The following KIF24 variants were observed in gnomAD, a reference collection of about 807,000 sequenced individuals.
The protein encoded by KIF24 is kinesin-like protein KIF24.
In KIF24, 81 loss-of-function variants were observed where a neutral mutation model predicts 118.9. The observed-to-expected ratio is 0.68, with a 90% CI of 0.57 to 0.82. The LOEUF is 0.82. Among genes scored for constraint, KIF24 ranks in the 40% least tolerant of loss-of-function variants. KIF24 has a pLI of 0.00. For synonymous variants in KIF24, 599 were observed against 610.0 expected, an observed-to-expected ratio of 0.98 and a Z score of 0.27; for missense variants, 1,560 against 1,661.6, an observed-to-expected ratio of 0.94 and a Z score of 1.06.
intron 3 of KIF24, among the ~76,000 whole-genome samples, chr9:34,298,533 A>G (rs1563954547): frequency 7.4e-6 from 1 of 135,310 alleles, no homozygotes; most frequent in South Asian, 2.9e-4. Context: ...GCAACGAGCA[A>G]AACTCCATCT....
At chr9:34,301,880 G>A (rs1836720190) in intron 3 of KIF24, among the ~76,000 whole-genome samples, 1 of 151,770 alleles carries the variant, frequency 6.6e-6, no homozygotes, top group South Asian at 2.1e-4. Flanking sequence ...ACAAAATATA[G>A]AGAATAGAGA....
At chr9:34,271,597 C>G (rs1835511077) in intron 7 of KIF24, among the ~76,000 whole-genome samples, 1 of 152,150 alleles carries the variant, frequency 6.6e-6, no homozygotes. Flanking sequence ...CTTTTAATAA[C>G]TTAGGGTTGA....
intron 2 of KIF24, among the ~76,000 whole-genome samples, chr9:34,306,654 T>C (rs1419053517): frequency 6.6e-6 from 1 of 151,994 alleles, no homozygotes; most frequent in Non-Finnish European, 1.5e-5. Flanking sequence ...TACAAAAAAT[T>C]AGCCAGGCAT....
chr9:34,255,780 G>A lies in KIF24; in HGVS notation c.3827C>T (p.Pro1276Leu), dbSNP rs1834807258. The A allele has an allele frequency of 6.2e-7, 1 of 1,613,806 alleles. No individual in the cohort carries two copies. The highest frequency in any genetic ancestry group is 1.1e-5 in the South Asian group (1 of 91,052). ...CTGACGGAGTGTCCCTGCAGTCTTG[G>A]GAGAGCAGCTGGGAACCAAGGGAGA... ...PSSPLVPSCS[P>L]KTAGTLRQPT... Residue 1276 changes from proline (P) to leucine (L), a missense_variant, in exon 11 of 13, where the codon CCC (proline) becomes CTC (leucine). Physicochemically the swap from Pro to Leu is moderately conservative, Grantham distance 98. Around this residue, in one of 3 missense-constraint regions of KIF24, gnomAD observed 591 missense variants for 655.6 expected, o/e 0.90. Transcript: ENST00000402558.
intron 5 of KIF24, among the ~76,000 whole-genome samples, chr9:34,288,240 C>T (rs1280581801): frequency 6.6e-6 from 1 of 150,832 alleles, no homozygotes; most frequent in Non-Finnish European, 1.5e-5. Flanking sequence ...AATCCTAACA[C>T]TTTGGGAGGC....
Position 34,318,954 on chromosome 9 carries a change from A to C in KIF24, c.-25-7583T>G. ...TGGGCCGTGCAGACCACCGACGGCAAGCTGCCCAAGGTCACCAAGGACATG... is the reference window on the plus strand; with the variant it reads ...TGGGCCGTGCAGACCACCGACGGCACGCTGCCCAAGGTCACCAAGGACATG... On this transcript the variant is annotated intron_variant, in intron 1 of 12. Coordinates refer to ENST00000402558, the MANE Select transcript of KIF24 (RefSeq NM_194313.4). This position sits in a 1 kb window ranked among gnomAD's most constrained non-coding sequence, Gnocchi z 4.9. 2 of 1,478,666 alleles carry C rather than the reference A, an allele frequency of 1.4e-6. No homozygotes were observed. Among genetic ancestry groups the C allele is most frequent in the Non-Finnish European group, 1.9e-6 (2 of 1,062,890 alleles). 91.6% of individuals were successfully genotyped at this position (1,478,666 alleles called of 1,614,324 possible).
chr9:34,277,929 T>C (rs1835714038), intron 6 of KIF24, among the ~76,000 whole-genome samples: 2 of 152,192 alleles, frequency 1.3e-5, no homozygotes, highest in Admixed American at 6.5e-5. Context: ...TGTGGTTGTG[T>C]AGACTACCGC....
intron 6 of KIF24, among the ~76,000 whole-genome samples, chr9:34,273,054 G>GCCTC (rs1449103877): frequency 1.3e-5 from 2 of 152,044 alleles, no homozygotes; most frequent in African/African-American, 4.8e-5. Flanking sequence ...GCTGCAGTGA[G>GCCTC]CTGTGATTAC....
chr9:34,301,077 T>C (rs182848784), intron 3 of KIF24, among the ~76,000 whole-genome samples: 196 of 152,296 alleles, frequency 1.3e-3, no homozygotes, highest in Non-Finnish European at 2.1e-3. Context: ...CCAGTACTTT[T>C]GTAAATATCT....
In KIF24 at chr9:34,297,117, GA is replaced by G; in HGVS notation, c.814-4del. ...ACTTCATCAAAATAAAAAACATGCT[GA>G]AAAATAAATTTGATTTTATGGAAAG... On this transcript the variant is annotated splice_polypyrimidine_tract_variant and splice_region_variant and intron_variant, in intron 3 of 12. Transcript: ENST00000402558. The G allele has an allele frequency of 6.6e-7, 1 of 1,523,342 alleles. No individual in the cohort carries two copies. The highest frequency in any genetic ancestry group is 9.0e-7 in the Non-Finnish European group (1 of 1,115,962). 94.4% of individuals were successfully genotyped at this position (1,523,342 alleles called of 1,614,324 possible). A position where few individuals can be genotyped will look rare whatever the true frequency, so the allele number is the denominator to read the frequency against.
chr9:34,283,968 C>T (rs143373821), intron 6 of KIF24, among the ~76,000 whole-genome samples: 7 of 152,242 alleles, frequency 4.6e-5, no homozygotes, highest in African/African-American at 7.2e-5. Flanking sequence ...GGGAAACAGT[C>T]GGCAGCATTT....
At position 34,256,123 on chromosome 9, in the gene KIF24, A is replaced by C. The variant is rs753524630; in HGVS notation, c.3484T>G (p.Phe1162Val). ...TCACTACCCATGTGTTCGTGGGAGA[A>C]AAGTACAGTCTCTCTGCTCTGGCAG... ...EACQSRETVLFSHEHMGSEQY... is the reference protein window; with the variant it reads ...EACQSRETVLVSHEHMGSEQY... The change falls in exon 11 of 13, where the codon TTC becomes GTC. Residue 1162 changes from phenylalanine to valine, a missense_variant. By Grantham distance (50) the Phe-to-Val change is conservative. Transcript: ENST00000402558. 1.2e-6 allele frequency: 2 copies of C among 1,609,842 alleles called. No homozygotes were observed. Among genetic ancestry groups the C allele is most frequent in the African/African-American group, 1.3e-5 (1 of 74,930 alleles).
At chr9:34,282,455 A>G (rs1018987986) in intron 6 of KIF24, 2 of 152,136 alleles carry the variant, frequency 1.3e-5, no homozygotes, top group African/African-American at 2.4e-5. Flanking sequence ...CAATGGTTGC[A>G]TAACTTCATG....
rs201796480 is a variant in KIF24 at position 34,256,834 on chromosome 9, T to C, written c.2773A>G (p.Thr925Ala). Residue 925 changes from threonine (T) to alanine (A), a missense_variant, in exon 11 of 13, where the codon ACT becomes GCT. Thr to Ala is a moderately conservative substitution (Grantham distance 58). Coordinates refer to ENST00000402558, the MANE Select transcript of KIF24 (RefSeq NM_194313.4). ...TCTCTGGGAGAAGGCCCTGAGGAAG[T>C]AGAGTTCTCTCTGCTCCAGTCCACG... ...GPVDWSRENS[T>A]SSGPSPRDSL... The C allele has an allele frequency of 1.0e-4, 165 of 1,613,862 alleles. No individual in the cohort carries two copies. The highest frequency in any genetic ancestry group is 2.5e-6 in the Non-Finnish European group (3 of 1,179,894).
rs527449185 is a variant in KIF24 at position 34,269,343 on chromosome 9, C to A, written c.1357G>T (p.Ala453Ser). ...GCATCTGCTGCTCTTTCACTGCCAG[C>A]CAAGTCAATAAAAGAGATCCTAGAG... ...TFGRISFIDL[A>S]GSERAADARD... Residue 453 changes from alanine to serine, a missense_variant, in exon 8 of 13, where the codon GCT (alanine) becomes TCT (serine). By Grantham distance (99) the Ala-to-Ser change is moderately conservative (BLOSUM62 1). Coordinates refer to ENST00000402558, the MANE Select transcript of KIF24 (RefSeq NM_194313.4). 1.2e-6 allele frequency: 2 copies of A among 1,604,056 alleles called. No individual in the cohort carries two copies. The highest frequency in any genetic ancestry group is 1.7e-6 in the Non-Finnish European group (2 of 1,171,818).
intron 3 of KIF24, among the ~76,000 whole-genome samples, chr9:34,303,204 C>T (rs886420985): frequency 8.5e-5 from 13 of 152,168 alleles, no homozygotes; most frequent in African/African-American, 3.1e-4. Context: ...CATGAGTTAC[C>T]ATACCCAGCC....
chr9:34,309,036 G>A (rs1267228583), intron 2 of KIF24, among the ~76,000 whole-genome samples: 1 of 152,082 alleles, frequency 6.6e-6, no homozygotes, highest in Non-Finnish European at 1.5e-5. Context: ...GACTATGACT[G>A]CACCACTGCA....
In KIF24 at chr9:34,257,346, G is replaced by A. The variant is rs776092066; in HGVS notation, c.2261C>T (p.Pro754Leu). 3.7e-6 allele frequency: 6 copies of A among 1,613,934 alleles called. No homozygotes were observed. The highest frequency in any genetic ancestry group is 2.2e-5 in the South Asian group (2 of 91,094). ...TTCCTCCCTCTCCTTCTGATGTGGC[G>A]GGATGTTTGTCCAAGCTTCAGAGGC... ...RPASEAWTNI[P>L]PHQKEREEHL... Residue 754 changes from proline (P) to leucine (L), a missense_variant, in exon 11 of 13, where the codon CCG (proline) becomes CTG (leucine). Pro to Leu is a moderately conservative substitution (Grantham distance 98). Around this residue, in one of 3 missense-constraint regions of KIF24, gnomAD observed 964 missense variants for 988.0 expected, o/e 0.98. Transcript: ENST00000402558.
chr9:34,254,389 C>T lies in KIF24; in HGVS notation c.4098G>A (p.Val1366=). The T allele has an allele frequency of 1.9e-6, 3 of 1,613,100 alleles. No individual in the cohort carries two copies. The Middle Eastern group carries it at 5.2e-4, about 277-fold the overall frequency. ...HGPTAAPEGT[V]PS is the part of the protein sequence containing the mutation. ...GGCACAGGGTCTGGCTCTAAGACGG[C>T]ACTGTTCCCTCAGGGGCTGCGGTGG... Residue 1366 remains valine, a synonymous_variant, in exon 13 of 13, where the codon GTG becomes GTA. Transcript: ENST00000402558.
Sources: allele counts gnomAD v4.1 joint callset (sites outside exome capture counted in the v4.1 genomes callset), GRCh38; gene constraint gnomAD v4.1.1; regional missense constraint gnomAD v4.1.1; non-coding constraint Gnocchi (gnomAD v3.1); transcripts MANE v1.5; gene names NCBI Gene and HGNC (gene_info 2026-07-23, HGNC 2026-07-21).